The following RNF216 variants were observed in gnomAD, a reference collection of about 807,000 sequenced individuals.
RNF216 encodes ring finger protein 216.
Under a neutral mutation model 110.8 loss-of-function variants are expected in RNF216, and 72 were observed. The ratio of observed to expected loss-of-function variants is 0.65; its 90% confidence interval spans 0.54 to 0.79. The LOEUF (loss-of-function observed/expected upper bound fraction) is 0.79. Ranked by LOEUF, RNF216 falls within the 30% of genes least tolerant of loss-of-function variation. RNF216 has a pLI of 0.00. For synonymous variants in RNF216, 495 were observed against 407.5 expected, an observed-to-expected ratio of 1.21 and a Z score of -2.59; for missense variants, 1,342 against 1,141.2, an observed-to-expected ratio of 1.18 and a Z score of -2.54.
intron 5 of RNF216, among the ~76,000 whole-genome samples, chr7:5,732,159 C>T (rs1794130789): frequency 6.6e-6 from 1 of 152,206 alleles, no homozygotes; most frequent in South Asian, 2.1e-4. Context: ...GTACATTTTC[C>T]TATAAAACCA....
At chr7:5,652,602 C>G in intron 13 of RNF216, 92 bp from the exon 14 acceptor site, 1 of 828,022 alleles carries the variant, frequency 1.2e-6, no homozygotes, top group Non-Finnish European at 2.1e-6. Context: ...ATGAGCTTTA[C>G]TTGGCTTGAA....
At chr7:5,634,952 G>A (rs189216295) in intron 15 of RNF216, among the ~76,000 whole-genome samples, 17 of 152,134 alleles carry the variant, frequency 1.1e-4, no homozygotes, top group African/African-American at 3.6e-4. Context: ...AGAGTCTGGC[G>A]AGGTCCCCAC....
At chr7:5,637,255 G>A (rs1787451787) in intron 15 of RNF216, among the ~76,000 whole-genome samples, 1 of 152,148 alleles carries the variant, frequency 6.6e-6, no homozygotes, top group Non-Finnish European at 1.5e-5. Flanking sequence ...CCCACTGTGG[G>A]CTGCACCTCC....
chr7:5,681,288 G>C (rs1379315807), intron 13 of RNF216, among the ~76,000 whole-genome samples: 1 of 152,152 alleles, frequency 6.6e-6, no homozygotes, highest in Non-Finnish European at 1.5e-5. Context: ...GCCAGAATCT[G>C]AATTATCATC....
At chr7:5,763,866 C>A (rs1259310409) in intron 1 of RNF216, among the ~76,000 whole-genome samples, 1 of 152,138 alleles carries the variant, frequency 6.6e-6, no homozygotes, top group Non-Finnish European at 1.5e-5. Context: ...AACCACCAAG[C>A]CCAGCCTGTA....
chr7:5,730,404 A>G (rs1315398568), intron 6 of RNF216, among the ~76,000 whole-genome samples: 1 of 152,210 alleles, frequency 6.6e-6, no homozygotes, highest in Admixed American at 6.6e-5. Context: ...GTTTTGGCCA[A>G]TTCTTGTTTT....
chr7:5,752,218 AAAGAT>A (rs1436153422), intron 3 of RNF216, among the ~76,000 whole-genome samples: 3 of 152,118 alleles, frequency 2.0e-5, no homozygotes, highest in Non-Finnish European at 4.4e-5. Context: ...CAATGAAAGA[AAAGAT>A]GTCAGTCACA....
Position 5,641,337 on chromosome 7 carries a change from G to C in RNF216, c.2199C>G (p.His733Gln). 1.2e-6 allele frequency: 2 copies of C among 1,614,128 alleles called. No individual in the cohort carries two copies. The highest frequency in any genetic ancestry group is 2.2e-5 in the South Asian group (2 of 91,082). ...ATTTGATGAGGCCAGTCCCACACTT[G>C]TGGCATTTTCTAATGCGGGCAGCAG... is the stretch of plus-strand genomic sequence containing the variant. Reference protein sequence around the residue: ...KMTAARIRKCHKCGTGLIKSE... With the variant: ...KMTAARIRKCQKCGTGLIKSE... Residue 733 changes from histidine (H) to glutamine (Q), a missense_variant, in exon 15 of 17, where the codon CAC becomes CAG. By Grantham distance (24) the His-to-Gln change is conservative (BLOSUM62 0). Coordinates refer to ENST00000389902, the MANE Select transcript of RNF216 (RefSeq NM_207111.4).
chr7:5,749,335 G>C (rs1312267410), intron 3 of RNF216, among the ~76,000 whole-genome samples: 2 of 151,974 alleles, frequency 1.3e-5, no homozygotes, highest in African/African-American at 4.8e-5. Context: ...ATTTTTAGTA[G>C]AGACGAGGTT....
intron 13 of RNF216, among the ~76,000 whole-genome samples, chr7:5,660,943 G>GTTTTTTTTTTTTTTTTTTTTTT (rs1168463360): frequency 8.9e-5 from 8 of 90,164 alleles, no homozygotes; most frequent in African/African-American, 1.6e-4. Context: ...GAAGCCTTAG[G>GTTTTTTTTTTTTTTTTTTTTTT]TTTTTTTTTT....
At chr7:5,700,034 C>T (rs1301622570) in intron 13 of RNF216, among the ~76,000 whole-genome samples, 17 of 152,218 alleles carry the variant, frequency 1.1e-4, no homozygotes, top group Non-Finnish European at 1.0e-4. Flanking sequence ...TCATCTTGCT[C>T]GATGCCCTAA....
At chr7:5,643,237 G>T (rs557932767) in intron 14 of RNF216, among the ~76,000 whole-genome samples, 6 of 152,208 alleles carry the variant, frequency 3.9e-5, no homozygotes, top group South Asian at 2.1e-4. Context: ...TTCTGCATTT[G>T]TAAGAGTAGT....
intron 11 of RNF216, 147 bp from the exon 12 acceptor site, chr7:5,713,010 T>C (rs1792815208): frequency 1.3e-6 from 1 of 773,992 alleles, no homozygotes; most frequent in Non-Finnish European, 2.0e-6. Flanking sequence ...ACTTAAATCA[T>C]GGAAACCATG....
intron 3 of RNF216, among the ~76,000 whole-genome samples, chr7:5,742,393 C>A (rs369013998): frequency 6.6e-6 from 1 of 151,976 alleles, no homozygotes; most frequent in African/African-American, 2.4e-5. Flanking sequence ...AATAACTCCA[C>A]AGCAGATACA....
intron 15 of RNF216, among the ~76,000 whole-genome samples, chr7:5,632,591 AC>A (rs1278576263): frequency 6.6e-6 from 1 of 152,226 alleles, no homozygotes; most frequent in Non-Finnish European, 1.5e-5. Flanking sequence ...AGCCTGGCCA[AC>A]ATGGCGAAAC....
At chr7:5,629,717 C>T (rs941345123) in intron 15 of RNF216, among the ~76,000 whole-genome samples, 1 of 150,142 alleles carries the variant, frequency 6.7e-6, no homozygotes, top group African/African-American at 2.5e-5. Flanking sequence ...ATCTCAACTA[C>T]TCGGGAGGCT....
At chr7:5,712,926 G>C (rs1005901220) in intron 11 of RNF216, 63 bp from the exon 12 acceptor site, 7 of 1,459,828 alleles carry the variant, frequency 4.8e-6, no homozygotes, top group Non-Finnish European at 6.5e-6. Flanking sequence ...AATAAAAAGC[G>C]TCAGTGGTTA....
At chr7:5,643,465 T>C (rs1787864341) in intron 14 of RNF216, among the ~76,000 whole-genome samples, 2 of 151,780 alleles carry the variant, frequency 1.3e-5, no homozygotes, top group South Asian at 4.2e-4. Flanking sequence ...GTTGCTGACC[T>C]TGCGCTCACA....
chr7:5,681,024 C>A (rs770798798), intron 13 of RNF216, among the ~76,000 whole-genome samples: 1 of 152,144 alleles, frequency 6.6e-6, no homozygotes, highest in Non-Finnish European at 1.5e-5. Flanking sequence ...CTGCTGCCTC[C>A]AGCCATACCC....
Sources: allele counts gnomAD v4.1 joint callset (sites outside exome capture counted in the v4.1 genomes callset), GRCh38; gene constraint gnomAD v4.1.1; transcripts MANE v1.5; gene names NCBI Gene and HGNC (gene_info 2026-07-23, HGNC 2026-07-21).